The following MAST2 variants were observed in gnomAD, a reference collection of about 807,000 sequenced individuals.
MAST2 encodes the protein microtubule associated serine/threonine kinase 2.
A neutral mutation model predicts 147.4 loss-of-function variants in MAST2; 70 were observed. The observed-to-expected ratio is 0.47, with a 90% CI of 0.39 to 0.58. The LOEUF is 0.58. Ranked by LOEUF, MAST2 falls within the 20% of genes least tolerant of loss-of-function variation. The probability of loss-of-function intolerance (pLI) is 0.00; values close to 1 mark genes in which losing one functional copy is unlikely to be tolerated. For missense variants in MAST2, 2,080 were observed against 2,302.3 expected, an observed-to-expected ratio of 0.90 and a Z score of 1.98; for synonymous variants, 869 against 896.8, an observed-to-expected ratio of 0.97 and a Z score of 0.55.
intron 2 of MAST2, 122 bp from the exon 3 acceptor site, chr1:45,829,317 A>G (rs1644882982): frequency 1.3e-6 from 1 of 792,842 alleles, no homozygotes; most frequent in Admixed American, 3.5e-5. Flanking sequence ...TCTAAAATGG[A>G]TGTGAACAAT....
chr1:46,032,808 G>C, intron 26 of MAST2, 90 bp downstream of exon 26: 1 of 1,442,696 alleles, frequency 6.9e-7, no homozygotes, highest in Admixed American at 1.9e-5. Flanking sequence ...TGAGTTGGGT[G>C]CACACACATC....
At chr1:45,918,391 T>A (rs181193067) in intron 4 of MAST2, among the ~76,000 whole-genome samples, 9 of 152,066 alleles carry the variant, frequency 5.9e-5, no homozygotes, top group Admixed American at 1.3e-4. Context: ...AGTTAGGTGG[T>A]GAGTATTGGG....
At chr1:45,849,220 T>A (rs1419363365) in intron 3 of MAST2, among the ~76,000 whole-genome samples, 1 of 152,084 alleles carries the variant, frequency 6.6e-6, no homozygotes, top group Non-Finnish European at 1.5e-5. Context: ...TTCACAGAAC[T>A]AGAAAAAACG....
chr1:45,812,653 G>A (rs1644338906), intron 1 of MAST2, among the ~76,000 whole-genome samples: 1 of 152,020 alleles, frequency 6.6e-6, no homozygotes, highest in South Asian at 2.1e-4. Flanking sequence ...TCAAACTCTC[G>A]ACCTCAGGTG....
At position 45,908,736 on chromosome 1, in the gene MAST2, T is replaced by C. The variant is rs1651179428; in HGVS notation, c.500+26341T>C. Among the ~76,000 whole-genome samples, 3 of 152,194 alleles carry C rather than the reference T, an allele frequency of 2.0e-5. No homozygotes were observed. The South Asian group carries it at 6.2e-4, about 32-fold the overall frequency. ...GGTGAACATGCAATGTCTGCTTGAT[T>C]AGCTTACCTGAACTCTAGCCCATGC... On this transcript the variant is annotated intron_variant, in intron 4 of 28. Transcript: ENST00000361297.
At chr1:45,885,293 C>T (rs541410678) in intron 4 of MAST2, among the ~76,000 whole-genome samples, 2 of 152,078 alleles carry the variant, frequency 1.3e-5, no homozygotes, top group East Asian at 1.9e-4. Context: ...TATAAAGGCC[C>T]GTTTCCTCTG....
intron 4 of MAST2, among the ~76,000 whole-genome samples, chr1:45,944,124 T>G (rs1365121240): frequency 1.3e-5 from 2 of 152,218 alleles, no homozygotes; most frequent in Non-Finnish European, 2.9e-5. Flanking sequence ...CCACTATAGC[T>G]TGGATTTGAG....
At chr1:45,962,055 A>T (rs1219864298) in intron 5 of MAST2, among the ~76,000 whole-genome samples, 2 of 151,962 alleles carry the variant, frequency 1.3e-5, no homozygotes, top group African/African-American at 4.8e-5. Flanking sequence ...TTTGCTGAGA[A>T]TGATGGTTTC....
At chr1:46,027,642 G>A (rs1220636230) in intron 16 of MAST2, 89 bp from the exon 17 acceptor site, 2 of 1,420,124 alleles carry the variant, frequency 1.4e-6, no homozygotes, top group Non-Finnish European at 1.9e-6. Flanking sequence ...CCCCATGGAA[G>A]CCTGAGTGGG....
Position 45,803,872 on chromosome 1 carries a change from C to A in MAST2, c.-24C>A. The A allele has an allele frequency of 1.8e-6, 1 of 563,132 alleles. No homozygotes were observed. Among genetic ancestry groups the A allele is most frequent in the Non-Finnish European group, 2.7e-6 (1 of 367,404 alleles). 34.9% of individuals were successfully genotyped at this position (563,132 alleles called of 1,614,324 possible). ...GGAGCCGGGACAGTCGCGGCGCTGA[C>A]GCCCGCGGGCCCCAGCTGCAGATAT... On this transcript the variant is annotated 5_prime_UTR_variant, in exon 1 of 29. Coordinates refer to ENST00000361297, the MANE Select transcript of MAST2 (RefSeq NM_015112.3).
At chr1:46,032,063 A>G in intron 24 of MAST2, 115 bp from the exon 25 acceptor site, 1 of 800,100 alleles carries the variant, frequency 1.2e-6, no homozygotes, top group Non-Finnish European at 2.1e-6. Flanking sequence ...TGTGGGGAAA[A>G]TGGACCTAGG....
At chr1:45,929,136 T>A (rs1180147606) in intron 4 of MAST2, among the ~76,000 whole-genome samples, 1 of 152,200 alleles carries the variant, frequency 6.6e-6, no homozygotes, top group Non-Finnish European at 1.5e-5. Context: ...TTCATTATTT[T>A]CTTAGGAGTT....
chr1:45,979,429 G>GTTTTTTTTTT (rs10712066), intron 5 of MAST2, among the ~76,000 whole-genome samples: 1 of 143,144 alleles, frequency 7.0e-6, no homozygotes, highest in Non-Finnish European at 1.6e-5. Context: ...CAGATTTTTT[G>GTTTTTTTTTT]TTTTTTTTTT....
At position 46,032,371 on chromosome 1, in the gene MAST2, C is replaced by T; in HGVS notation, c.3381C>T (p.Asp1127=). Residue 1127 remains aspartate, a synonymous_variant, in exon 25 of 29, where the codon GAC becomes GAT. Coordinates refer to ENST00000361297, the MANE Select transcript of MAST2 (RefSeq NM_015112.3). ...GGGCCATTCGCGTCTACATGGGTGACTCCGATGTCTACACCGTGCACCATA... is the reference window on the plus strand; with the variant it reads ...GGGCCATTCGCGTCTACATGGGTGATTCCGATGTCTACACCGTGCACCATA... ...TLRAIRVYMG[D]SDVYTVHHMV... 1 of 1,614,192 alleles carries T rather than the reference C, an allele frequency of 6.2e-7. No individual in the cohort carries two copies. The highest frequency in any genetic ancestry group is 8.5e-7 in the Non-Finnish European group (1 of 1,180,034).
At chr1:45,970,812 T>C (rs1643887998) in intron 5 of MAST2, among the ~76,000 whole-genome samples, 2 of 151,448 alleles carry the variant, frequency 1.3e-5, no homozygotes, top group Non-Finnish European at 2.9e-5. Context: ...TTTTTTTTTT[T>C]TTTCTCCTCC....
chr1:45,820,893 C>CTTTTTTTTTTTTT (rs769508054), intron 1 of MAST2, among the ~76,000 whole-genome samples: 117 of 43,066 alleles, frequency 2.7e-3, no homozygotes, highest in Middle Eastern at 0.042. Context: ...CTTTCTTTCT[C>CTTTTTTTTTTTTT]TTTTTTTTTT....
intron 26 of MAST2, 48 bp from the exon 27 acceptor site, chr1:46,033,754 C>T: frequency 5.0e-6 from 8 of 1,596,894 alleles, no homozygotes; most frequent in Non-Finnish European, 6.9e-6. Flanking sequence ...AGGGGAGGGG[C>T]AAGAATATGG....
chr1:46,022,791 C>T (rs12565196), intron 12 of MAST2, 119 bp from the exon 13 acceptor site: 1 of 782,418 alleles, frequency 1.3e-6, no homozygotes, highest in Non-Finnish European at 2.3e-6. Context: ...AATTCACATC[C>T]TAGGCTGATG....
At chr1:45,927,865 A>G (rs1275356254) in intron 4 of MAST2, among the ~76,000 whole-genome samples, 1 of 152,238 alleles carries the variant, frequency 6.6e-6, no homozygotes, top group Admixed American at 6.5e-5. Flanking sequence ...AAAGACAGGC[A>G]TAAGAAATTA....
Sources: gnomAD v4.1 joint callset for allele counts (sites outside exome capture counted in the v4.1 genomes callset) on GRCh38, gnomAD v4.1.1 for gene constraint, MANE v1.5 for transcripts, NCBI Gene and HGNC (gene_info 2026-07-23, HGNC 2026-07-21) for gene names.